ANAPC10: variants seen among roughly 807,000 people sequenced by gnomAD.
ANAPC10 encodes the protein anaphase promoting complex subunit 10, also known as anaphase-promoting complex subunit 10.
In ANAPC10, 12 loss-of-function variants were observed where a neutral mutation model predicts 22.0. The observed-to-expected ratio is 0.55, with a 90% CI of 0.35 to 0.88. ANAPC10 has a LOEUF of 0.88. Ranked by LOEUF, ANAPC10 falls within the 40% of genes least tolerant of loss-of-function variation. ANAPC10 has a pLI of 0.01. For synonymous variants in ANAPC10, 65 were observed against 69.5 expected, an observed-to-expected ratio of 0.94 and a Z score of 0.32; for missense variants, 188 against 220.9, an observed-to-expected ratio of 0.85 and a Z score of 0.94.
chr4:145,088,326 T>C (rs1462073973), intron 2 of ANAPC10, among the ~76,000 whole-genome samples: 1 of 152,150 alleles, frequency 6.6e-6, no homozygotes, highest in Non-Finnish European at 1.5e-5. Flanking sequence ...CAAATTTGTA[T>C]CTCCAACCCA....
intron 4 of ANAPC10, among the ~76,000 whole-genome samples, chr4:145,059,443 C>A (rs1742550383): frequency 6.6e-6 from 1 of 152,076 alleles, no homozygotes; most frequent in Non-Finnish European, 1.5e-5. Flanking sequence ...CACTTGGTAA[C>A]AGCTTTATTA....
intron 4 of ANAPC10, among the ~76,000 whole-genome samples, chr4:145,056,527 T>C (rs1012884463): frequency 6.6e-6 from 1 of 152,156 alleles, no homozygotes; most frequent in Admixed American, 6.5e-5. Context: ...GAATTCCCTC[T>C]TGCGCAAGAT....
chr4:145,008,505 A>C (rs1348173674), intron 4 of ANAPC10, among the ~76,000 whole-genome samples: 1 of 152,222 alleles, frequency 6.6e-6, no homozygotes, highest in Non-Finnish European at 1.5e-5. Flanking sequence ...AGTCAGCTTC[A>C]ATCTTGGGAT....
chr4:144,996,917 T>C (rs1731704508), intron 4 of ANAPC10, among the ~76,000 whole-genome samples: 3 of 152,174 alleles, frequency 2.0e-5, no homozygotes, highest in South Asian at 4.1e-4. Flanking sequence ...CTGAAAACCA[T>C]GGCACGAGAA....
Position 145,044,475 on chromosome 4 carries a change from C to T in ANAPC10, c.327+20097G>A, listed in dbSNP as rs928096348. Among the ~76,000 whole-genome samples the T allele has an allele frequency of 2.0e-4, 30 of 152,174 alleles. 1 individual carries two copies. Among genetic ancestry groups the T allele is most frequent in the Non-Finnish European group, 1.3e-4 (9 of 67,958 alleles). ...TCTATCCTTTGCATTTCCTTCCCCCCAACTCCCACCCACCATGACCCACCT... is the reference window on the plus strand; with the variant it reads ...TCTATCCTTTGCATTTCCTTCCCCCTAACTCCCACCCACCATGACCCACCT... On this transcript the variant is annotated intron_variant, in intron 4 of 4. Transcript: ENST00000507656.
rs558950730 is a variant in ANAPC10, at chr4:145,008,919, T to A, written c.328-13316A>T. 3.1e-4 allele frequency among the ~76,000 whole-genome samples: 47 copies of A among 152,302 alleles called. No individual in the cohort carries two copies. The South Asian group carries it at 9.3e-3, about 30-fold the overall frequency. On this transcript the variant is annotated intron_variant, in intron 4 of 4. Transcript: ENST00000507656. ...ATATTGTCCCTGTTTGCAGATGACA[T>A]GATTATATATTTAGAAAACCCCACT... is the stretch of plus-strand genomic sequence containing the variant.
At chr4:145,050,527 G>T (rs1489281047) in intron 4 of ANAPC10, among the ~76,000 whole-genome samples, 1 of 152,218 alleles carries the variant, frequency 6.6e-6, no homozygotes, top group Non-Finnish European at 1.5e-5. Flanking sequence ...GCCAGGCATT[G>T]ACTTCTCCTC....
chr4:145,010,626 GA>G (rs2126918262), intron 4 of ANAPC10, among the ~76,000 whole-genome samples: 1 of 152,098 alleles, frequency 6.6e-6, no homozygotes, highest in Non-Finnish European at 1.5e-5. Flanking sequence ...TGAACAATGA[GA>G]ACACTTGGAC....
chr4:145,054,653 G>GCA lies in ANAPC10; in HGVS notation c.327+9918_327+9919insTG, dbSNP rs1441556900. On this transcript the variant is annotated intron_variant, in intron 4 of 4. Transcript: ENST00000507656. ...TGTGTGTGTGTGTGCGCGCGCGCGCGCGTGCGTGCAGCGCATGTGTGTGTG... is the reference window on the plus strand; with the variant it reads ...TGTGTGTGTGTGTGCGCGCGCGCGCGCACGTGCGTGCAGCGCATGTGTGTGTG... Among the ~76,000 whole-genome samples, 93 of 148,298 alleles carry GCA rather than the reference G, an allele frequency of 6.3e-4. 1 individual carries two copies. The highest frequency in any genetic ancestry group is 3.5e-3 in the Middle Eastern group (1 of 282).
intron 4 of ANAPC10, among the ~76,000 whole-genome samples, chr4:144,998,810 A>C (rs1301950146): frequency 6.6e-6 from 1 of 152,218 alleles, no homozygotes; most frequent in Non-Finnish European, 1.5e-5. Flanking sequence ...AACCTTCAAA[A>C]AATCAATGAA....
intron 3 of ANAPC10, among the ~76,000 whole-genome samples, chr4:145,078,691 G>A (rs967619215): frequency 6.6e-6 from 1 of 152,132 alleles, no homozygotes; most frequent in Admixed American, 6.5e-5. Flanking sequence ...AGAGACCAAT[G>A]GAACAGGTTA....
At chr4:145,034,489 T>C (rs1738145674) in intron 4 of ANAPC10, among the ~76,000 whole-genome samples, 10 of 146,390 alleles carry the variant, frequency 6.8e-5, no homozygotes. Flanking sequence ...TGGGACCTTG[T>C]GATTCTGTAA....
At chr4:145,084,761 C>A (rs905934130) in intron 2 of ANAPC10, among the ~76,000 whole-genome samples, 1 of 152,084 alleles carries the variant, frequency 6.6e-6, no homozygotes. Flanking sequence ...TGAAATATAG[C>A]AAGTCCAAAT....
rs1017715169 is a variant in ANAPC10, at chr4:145,090,150, G to A, written c.115+5835C>T. ...CGAGGATTGGTACCAGGACCTCTGTGGTTAACGAAATCCACTGATGCACAA... is the reference window on the plus strand; with the variant it reads ...CGAGGATTGGTACCAGGACCTCTGTAGTTAACGAAATCCACTGATGCACAA... On this transcript the variant is annotated intron_variant, in intron 2 of 4. Coordinates refer to ENST00000507656, the MANE Select transcript of ANAPC10 (RefSeq NM_001256706.2). 3.3e-5 allele frequency among the ~76,000 whole-genome samples: 5 copies of A among 152,124 alleles called. No homozygotes were observed. In the East Asian group the frequency reaches 7.7e-4, roughly 23 times the overall value.
chr4:145,007,036 G>A (rs192385194), intron 4 of ANAPC10, among the ~76,000 whole-genome samples: 115 of 151,974 alleles, frequency 7.6e-4, no homozygotes, highest in Non-Finnish European at 1.2e-3. Flanking sequence ...CCTGGGAGGC[G>A]CGGGTCCCAA....
intron 4 of ANAPC10, among the ~76,000 whole-genome samples, chr4:145,043,416 T>C (rs1739809947): frequency 6.6e-6 from 1 of 152,118 alleles, no homozygotes; most frequent in Non-Finnish European, 1.5e-5. Flanking sequence ...GTTCACATGA[T>C]AGAACAATGG....
intron 4 of ANAPC10, among the ~76,000 whole-genome samples, chr4:145,036,995 CGTGTGTGTGTGT>C (rs202100756): frequency 0.027 from 3,514 of 131,224 alleles, 81 homozygotes; most frequent in Admixed American, 0.084. Flanking sequence ...AAATAGATAA[CGTGTGTGTGTGT>C]GTGTGTGTGT....
chr4:145,015,017 C>T (rs1018699979), intron 4 of ANAPC10, among the ~76,000 whole-genome samples: 7 of 152,022 alleles, frequency 4.6e-5, no homozygotes, highest in African/African-American at 1.5e-4. Context: ...GGTAATATGA[C>T]AAAACAAGGC....
At chr4:145,080,113 C>CAAAAAAA (rs70956824) in intron 3 of ANAPC10, among the ~76,000 whole-genome samples, 4 of 26,802 alleles carry the variant, frequency 1.5e-4, no homozygotes, top group African/African-American at 5.3e-4. Flanking sequence ...GACTCTGTCT[C>CAAAAAAA]AAAAAAAAAA....
Sources: gnomAD v4.1 joint callset for allele counts (sites outside exome capture counted in the v4.1 genomes callset) on GRCh38, gnomAD v4.1.1 for gene constraint, MANE v1.5 for transcripts, NCBI Gene and HGNC (gene_info 2026-07-23, HGNC 2026-07-21) for gene names.